The following HFM1 variants were observed in gnomAD, a reference collection of about 807,000 sequenced individuals.
The protein encoded by HFM1 is helicase for meiosis 1, also known as probable ATP-dependent DNA helicase HFM1.
In HFM1, 169 loss-of-function variants were observed where a neutral mutation model predicts 192.1. The observed-to-expected ratio is 0.88, with a 90% CI of 0.78 to 1.00. The LOEUF (loss-of-function observed/expected upper bound fraction) is 1.00. Ranked by LOEUF, HFM1 falls within the 50% of genes least tolerant of loss-of-function variation. HFM1 has a pLI of 0.00. For missense variants in HFM1, 1,661 were observed against 1,668.0 expected (o/e 1.00, Z 0.07); for synonymous variants, 525 against 537.8 (o/e 0.98, Z 0.33).
At chr1:91,347,864 CAGATATACAT>C (rs1016263669) in intron 18 of HFM1, among the ~76,000 whole-genome samples, 1 of 152,132 alleles carries the variant, frequency 6.6e-6, no homozygotes, top group Non-Finnish European at 1.5e-5. Context: ...CACATACCCA[CAGATATACAT>C]ATACATGTGT....
At chr1:91,289,617 T>A (rs574778585) in intron 30 of HFM1, among the ~76,000 whole-genome samples, 8 of 152,116 alleles carry the variant, frequency 5.3e-5, no homozygotes, top group South Asian at 2.1e-4. Flanking sequence ...CCTGGCACCT[T>A]GGGAGGCTGA....
chr1:91,351,580 T>C lies in HFM1; in HGVS notation c.2041A>G (p.Met681Val). 1.3e-6 allele frequency: 2 copies of C among 1,598,306 alleles called. No homozygotes were observed. Among genetic ancestry groups the C allele is most frequent in the Non-Finnish European group, 1.7e-6 (2 of 1,171,058 alleles). Residue 681 changes from methionine (M) to valine (V), a missense_variant, in exon 17 of 39, where the codon ATG (methionine) becomes GTG (valine). Met to Val is a conservative substitution (Grantham distance 21). Coordinates refer to ENST00000370425, the MANE Select transcript of HFM1 (RefSeq NM_001017975.6). ...TCTACAGTGTCTCTACAAGCTAACA[T>C]CTGAATGTACTTGTCCCTTGTGCTT... is the stretch of plus-strand genomic sequence containing the variant. ...RLSTRDKYIQ[M>V]LACRDTVESS...
chr1:91,347,545 C>G (rs559038683), intron 18 of HFM1, 69 bp from the exon 19 acceptor site: 2 of 933,466 alleles, frequency 2.1e-6, no homozygotes, highest in African/African-American at 3.4e-5. Flanking sequence ...CCCCAGTTAA[C>G]TAGTGAAGAG....
intron 13 of HFM1, among the ~76,000 whole-genome samples, chr1:91,359,407 C>A (rs1211511093): frequency 2.4e-4 from 36 of 152,060 alleles, no homozygotes; most frequent in Admixed American, 2.4e-3. Flanking sequence ...TAGAGAGGAA[C>A]ATAACTGATC....
Position 91,331,647 on chromosome 1 carries a change from G to C in HFM1, c.2336-6881C>G, listed in dbSNP as rs1653837282. On this transcript the variant is annotated intron_variant, in intron 20 of 38. Coordinates refer to ENST00000370425, the MANE Select transcript of HFM1 (RefSeq NM_001017975.6). ...GCAGTGGCTCATGCCTGTAATCCCAGCATTTTGGAAGGCAAAGGCAGGCAG... is the reference window on the plus strand; with the variant it reads ...GCAGTGGCTCATGCCTGTAATCCCACCATTTTGGAAGGCAAAGGCAGGCAG... 3.3e-5 allele frequency among the ~76,000 whole-genome samples: 5 copies of C among 152,238 alleles called. No individual in the cohort carries two copies. In the South Asian group the frequency reaches 1.0e-3, roughly 31 times the overall value.
chr1:91,322,911 C>T, intron 23 of HFM1, 39 bp downstream of exon 23: 1 of 1,007,426 alleles, frequency 9.9e-7, no homozygotes, highest in Non-Finnish European at 1.4e-6. Context: ...GTTTTAAAAC[C>T]AAAAAAAGAA....
chr1:91,317,990 T>C (rs941772936), intron 25 of HFM1, among the ~76,000 whole-genome samples: 1 of 152,166 alleles, frequency 6.6e-6, no homozygotes, highest in Non-Finnish European at 1.5e-5. Flanking sequence ...GATGCCCATA[T>C]TGACAATACT....
In HFM1 at chr1:91,299,629, T is replaced by C. The variant is rs528472634; in HGVS notation, c.3391+13720A>G. On this transcript the variant is annotated intron_variant, in intron 30 of 38. Transcript: ENST00000370425. ...CAAACTAGAACTCAGGATTAAGAAA[T>C]TCACTCAAAACCGCTCAACTACATG... 1.9e-3 allele frequency among the ~76,000 whole-genome samples: 291 copies of C among 152,194 alleles called. 2 individuals are homozygous for C. The highest frequency in any genetic ancestry group is 3.4e-3 in the Admixed American group (52 of 15,270).
At chr1:91,307,694 T>C (rs567632728) in intron 30 of HFM1, among the ~76,000 whole-genome samples, 21 of 152,302 alleles carry the variant, frequency 1.4e-4, no homozygotes, top group African/African-American at 5.1e-4. Flanking sequence ...GCTCAAGCGA[T>C]CTGCCCATCT....
chr1:91,309,165 T>C (rs1438794827), intron 30 of HFM1, among the ~76,000 whole-genome samples: 1 of 152,186 alleles, frequency 6.6e-6, no homozygotes, highest in Non-Finnish European at 1.5e-5. Context: ...TTATCATAAT[T>C]GCCAATACTA....
At chr1:91,354,704 A>G (rs747024719) in intron 13 of HFM1, among the ~76,000 whole-genome samples, 13 of 152,166 alleles carry the variant, frequency 8.5e-5, no homozygotes, top group Non-Finnish European at 1.8e-4. Context: ...AAGTCCTGAA[A>G]GAAGACAATA....
At chr1:91,391,687 A>C (rs890185333) in intron 4 of HFM1, among the ~76,000 whole-genome samples, 1 of 152,218 alleles carries the variant, frequency 6.6e-6, no homozygotes, top group Admixed American at 6.5e-5. Flanking sequence ...GGACATAGGC[A>C]TGGGCAAGGA....
At position 91,310,309 on chromosome 1, in the gene HFM1, T is replaced by C. The variant is rs78831835; in HGVS notation, c.3391+3040A>G. The stretch of plus-strand genomic sequence containing the variant: ...GATGGAAAAAAAAACTAGAGAGGTA[T>C]AGATGAAACAGTAGCAGCCATGAAT... On this transcript the variant is annotated intron_variant, in intron 30 of 38. Coordinates refer to ENST00000370425, the MANE Select transcript of HFM1 (RefSeq NM_001017975.6). Among the ~76,000 whole-genome samples, 87 of 152,250 alleles carry C rather than the reference T, an allele frequency of 5.7e-4. No homozygotes were observed. In the East Asian group the frequency reaches 0.015, roughly 26 times the overall value.
intron 13 of HFM1, among the ~76,000 whole-genome samples, chr1:91,361,614 T>C (rs1035167135): frequency 6.6e-6 from 1 of 152,162 alleles, no homozygotes; most frequent in East Asian, 1.9e-4. Flanking sequence ...AGCTAAATTC[T>C]ACCATGGGTA....
At chr1:91,399,979 T>C (rs282004) in intron 2 of HFM1, among the ~76,000 whole-genome samples, 71,062 of 152,096 alleles carry the variant, frequency 0.47, 17,456 homozygotes, top group African/African-American at 0.63. Context: ...ATTATTTACA[T>C]GGTCCTATTA....
In HFM1 at chr1:91,338,273, A is replaced by G. The variant is rs566315754; in HGVS notation, c.2335+5157T>C. ...GGCACAGGAATGGCTACAGTGGAGT[A>G]CAGTCAGGAATGCCAATCCCCCAAG... On this transcript the variant is annotated intron_variant, in intron 20 of 38. Transcript: ENST00000370425. Among the ~76,000 whole-genome samples, 46 of 152,320 alleles carry G rather than the reference A, an allele frequency of 3.0e-4. No individual in the cohort carries two copies. The South Asian group carries it at 8.7e-3, about 29-fold the overall frequency.
At chr1:91,323,872 T>C (rs546289621) in intron 21 of HFM1, among the ~76,000 whole-genome samples, 106 of 152,308 alleles carry the variant, frequency 7.0e-4, no homozygotes, top group Non-Finnish European at 1.2e-3. Context: ...TTTTCATCAA[T>C]TGTTGTTTAT....
chr1:91,326,306 C>CA (rs1652891561), intron 20 of HFM1, among the ~76,000 whole-genome samples: 1 of 151,998 alleles, frequency 6.6e-6, no homozygotes. Flanking sequence ...AAGGCTACCT[C>CA]ACGGTATTTA....
At chr1:91,290,428 C>A (rs1668607281) in intron 30 of HFM1, among the ~76,000 whole-genome samples, 1 of 152,056 alleles carries the variant, frequency 6.6e-6, no homozygotes, top group African/African-American at 2.4e-5. Context: ...AGACTTTAAA[C>A]CAACAAAGAT....
Sources: allele counts gnomAD v4.1 joint callset (sites outside exome capture counted in the v4.1 genomes callset), GRCh38; gene constraint gnomAD v4.1.1; transcripts MANE v1.5; gene names NCBI Gene and HGNC (gene_info 2026-07-23, HGNC 2026-07-21).